The following NIBAN1 variants were observed in gnomAD, a reference collection of about 807,000 sequenced individuals.
NIBAN1 encodes protein Niban 1.
NIBAN1 carries 81 observed loss-of-function variants against 75.1 expected under a neutral mutation model. That is an observed-to-expected ratio of 1.08 (90% CI 0.90 to 1.30). NIBAN1 has a LOEUF of 1.30. Among genes scored for constraint, NIBAN1 ranks in the 50% most tolerant of loss-of-function variants. The pLI, the probability that NIBAN1 is intolerant of heterozygous loss-of-function variation, is 0.00. For synonymous variants in NIBAN1, 436 were observed against 424.8 expected, an observed-to-expected ratio of 1.03 and a Z score of -0.32; for missense variants, 1,133 against 1,128.1, an observed-to-expected ratio of 1.00 and a Z score of -0.06.
At chr1:184,837,730 C>G (rs1655176946) in intron 5 of NIBAN1, among the ~76,000 whole-genome samples, 1 of 152,124 alleles carries the variant, frequency 6.6e-6, no homozygotes. Context: ...AATTTTCCTT[C>G]TATTGAGCCA....
At chr1:184,932,835 G>A (rs977015066) in intron 1 of NIBAN1, among the ~76,000 whole-genome samples, 1 of 152,164 alleles carries the variant, frequency 6.6e-6, no homozygotes. Flanking sequence ...CCTTGTTAGT[G>A]CCAGTCTCTC....
At chr1:184,835,132 T>C (rs1655103066) in intron 5 of NIBAN1, among the ~76,000 whole-genome samples, 1 of 152,238 alleles carries the variant, frequency 6.6e-6, no homozygotes, top group Non-Finnish European at 1.5e-5. Flanking sequence ...TTGTCAGGTT[T>C]GTCAAAGATC....
intron 9 of NIBAN1, among the ~76,000 whole-genome samples, chr1:184,811,045 C>G (rs887540662): frequency 6.6e-6 from 1 of 152,132 alleles, no homozygotes; most frequent in South Asian, 2.1e-4. Flanking sequence ...TGAGTTTCTT[C>G]GAGCAAGTTT....
In NIBAN1 at chr1:184,798,148, T is replaced by C. The variant is rs1242766185; in HGVS notation, c.1597A>G (p.Asn533Asp). ...TAGACATTTTCAACGTGAATCATAT[T>C]GGTATGATCTGCAAAGATGAACTGC... ...YEQFIFADHT[N>D]MIHVENVYEE... The change falls in exon 13 of 14, where the codon AAT becomes GAT. Residue 533 changes from asparagine to aspartate, a missense_variant. Coordinates refer to ENST00000367511, the MANE Select transcript of NIBAN1 (RefSeq NM_052966.4). The C allele has an allele frequency of 1.9e-6, 3 of 1,610,448 alleles. No homozygotes were observed. The South Asian group carries it at 3.3e-5, about 18-fold the overall frequency.
chr1:184,898,497 T>C (rs1309108544), intron 2 of NIBAN1, among the ~76,000 whole-genome samples: 1 of 152,150 alleles, frequency 6.6e-6, no homozygotes, highest in African/African-American at 2.4e-5. Context: ...GCACCTGTAA[T>C]CCCAGCCACT....
intron 3 of NIBAN1, among the ~76,000 whole-genome samples, chr1:184,891,027 C>G (rs1339897289): frequency 1.3e-5 from 2 of 152,140 alleles, no homozygotes; most frequent in Non-Finnish European, 2.9e-5. Flanking sequence ...GTTTGAGACC[C>G]AAAATCTAGA....
At chr1:184,890,074 A>T (rs1656625459) in intron 4 of NIBAN1, 34 bp downstream of exon 4, 1 of 1,499,974 alleles carries the variant, frequency 6.7e-7, no homozygotes, top group Non-Finnish European at 9.3e-7. Flanking sequence ...AAGCTTAGTC[A>T]TTTTGCCTTG....
In NIBAN1 at chr1:184,885,935, T is replaced by C. The variant is rs146651394; in HGVS notation, c.434-1135A>G. Among the ~76,000 whole-genome samples, 728 of 152,292 alleles carry C rather than the reference T, an allele frequency of 4.8e-3. 3 individuals are homozygous for C. The highest frequency in any genetic ancestry group is 0.016 in the African/African-American group (679 of 41,562). ...CTTCTTTATCACCTTTATTGGTTCCTCTGCTGACTCTCTCCATCTCCTCGC... is the reference window on the plus strand; with the variant it reads ...CTTCTTTATCACCTTTATTGGTTCCCCTGCTGACTCTCTCCATCTCCTCGC... On this transcript the variant is annotated intron_variant, in intron 4 of 13. Coordinates refer to ENST00000367511, the MANE Select transcript of NIBAN1 (RefSeq NM_052966.4).
At chr1:184,913,902 T>C (rs1002014278) in intron 1 of NIBAN1, among the ~76,000 whole-genome samples, 4 of 152,250 alleles carry the variant, frequency 2.6e-5, no homozygotes, top group African/African-American at 9.6e-5. Context: ...TGGCTTATTG[T>C]GCAGTCAGAT....
intron 11 of NIBAN1, 39 bp downstream of exon 11, chr1:184,805,907 C>T: frequency 6.6e-7 from 1 of 1,523,814 alleles, no homozygotes; most frequent in Non-Finnish European, 9.1e-7. Context: ...GGGTCACGTT[C>T]TCTTTTTATG....
chr1:184,799,921 A>ATT (rs1653986521), intron 12 of NIBAN1, among the ~76,000 whole-genome samples: 1 of 96,144 alleles, frequency 1.0e-5, no homozygotes, highest in African/African-American at 5.6e-5. Context: ...AATTTTTTGT[A>ATT]TTTTTAGTAG....
intron 5 of NIBAN1, among the ~76,000 whole-genome samples, chr1:184,875,769 C>T (rs567807177): frequency 3.0e-4 from 46 of 152,102 alleles, no homozygotes; most frequent in Admixed American, 1.8e-3. Context: ...ACAAAGCCAG[C>T]GAAATAAAGC....
intron 5 of NIBAN1, among the ~76,000 whole-genome samples, chr1:184,862,782 A>T (rs1655849213): frequency 6.6e-6 from 1 of 152,098 alleles, no homozygotes; most frequent in African/African-American, 2.4e-5. Flanking sequence ...TAATTGGAAA[A>T]TATCAGAATA....
intron 1 of NIBAN1, among the ~76,000 whole-genome samples, chr1:184,949,349 C>T (rs1377623038): frequency 3.9e-5 from 6 of 152,138 alleles, no homozygotes; most frequent in Non-Finnish European, 2.9e-5. Flanking sequence ...CAGAGCGAGA[C>T]TCCGTCTCAA....
chr1:184,946,013 AAG>A (rs1658215685), intron 1 of NIBAN1, among the ~76,000 whole-genome samples: 3 of 152,094 alleles, frequency 2.0e-5, no homozygotes, highest in African/African-American at 7.2e-5. Flanking sequence ...AAAAAAAAGA[AAG>A]AGGGGCTCCT....
chr1:184,869,253 T>A (rs1237470980), intron 5 of NIBAN1, among the ~76,000 whole-genome samples: 2 of 152,202 alleles, frequency 1.3e-5, no homozygotes, highest in African/African-American at 4.8e-5. Flanking sequence ...TTTATCTTAC[T>A]AGTGGAGATC....
intron 1 of NIBAN1, among the ~76,000 whole-genome samples, chr1:184,917,563 C>T (rs1210471657): frequency 6.6e-6 from 1 of 151,794 alleles, no homozygotes; most frequent in Non-Finnish European, 1.5e-5. Flanking sequence ...TCCTTAAACT[C>T]CCTTCTCCAC....
chr1:184,852,454 T>C (rs1019751166), intron 5 of NIBAN1, among the ~76,000 whole-genome samples: 3 of 152,194 alleles, frequency 2.0e-5, no homozygotes, highest in East Asian at 1.9e-4. Flanking sequence ...AGGACTGTCA[T>C]ATTTATCACT....
intron 5 of NIBAN1, among the ~76,000 whole-genome samples, chr1:184,859,387 C>A (rs1655757540): frequency 6.6e-6 from 1 of 152,090 alleles, no homozygotes; most frequent in South Asian, 2.1e-4. Context: ...TCCATGTGAT[C>A]CTGGGTAAAG....
Sources: allele counts gnomAD v4.1 joint callset (sites outside exome capture counted in the v4.1 genomes callset), GRCh38; gene constraint gnomAD v4.1.1; transcripts MANE v1.5; gene names NCBI Gene and HGNC (gene_info 2026-07-23, HGNC 2026-07-21).